UNC5C: variants seen among roughly 807,000 people sequenced by gnomAD.
UNC5C encodes unc-5 netrin receptor C.
UNC5C carries 47 observed loss-of-function variants against 99.8 expected under a neutral mutation model. The ratio of observed to expected loss-of-function variants is 0.47; its 90% confidence interval spans 0.37 to 0.60. The LOEUF (loss-of-function observed/expected upper bound fraction) is 0.60. Among genes scored for constraint, UNC5C ranks in the 20% least tolerant of loss-of-function variants. The pLI is 0.00. For missense variants in UNC5C, 1,062 were observed against 1,165.9 expected (o/e 0.91, Z 1.30); for synonymous variants, 487 against 452.2 (o/e 1.08, Z -0.98).
At chr4:95,294,080 T>G (rs935254873) in intron 3 of UNC5C, among the ~76,000 whole-genome samples, 1 of 152,196 alleles carries the variant, frequency 6.6e-6, no homozygotes, top group East Asian at 1.9e-4. Flanking sequence ...CATAAATACT[T>G]GTTGATATTG....
chr4:95,284,889 G>T (rs561938483), intron 3 of UNC5C, among the ~76,000 whole-genome samples: 3 of 152,136 alleles, frequency 2.0e-5, no homozygotes, highest in African/African-American at 4.8e-5. Flanking sequence ...GAGCAACTTT[G>T]CCTGTCACTG....
intron 1 of UNC5C, among the ~76,000 whole-genome samples, chr4:95,434,125 T>A (rs1252967529): frequency 6.6e-6 from 1 of 152,118 alleles, no homozygotes; most frequent in Non-Finnish European, 1.5e-5. Context: ...GTTCCATGAT[T>A]GTAGGGACTA....
At chr4:95,381,085 A>C (rs147380154) in intron 1 of UNC5C, among the ~76,000 whole-genome samples, 14 of 152,354 alleles carry the variant, frequency 9.2e-5, no homozygotes, top group African/African-American at 3.1e-4. Context: ...ATTACTTTGT[A>C]TAACTACATT....
intron 1 of UNC5C, among the ~76,000 whole-genome samples, chr4:95,544,340 T>G (rs543449943): frequency 3.9e-5 from 6 of 152,232 alleles, no homozygotes; most frequent in African/African-American, 1.2e-4. Flanking sequence ...CTAAGTAAAA[T>G]GCTGTTGCAA....
intron 1 of UNC5C, among the ~76,000 whole-genome samples, chr4:95,528,385 C>T (rs1722550934): frequency 1.3e-5 from 2 of 152,144 alleles, no homozygotes; most frequent in Admixed American, 6.5e-5. Flanking sequence ...TTCATACGGC[C>T]TTCAAGGAAA....
chr4:95,369,891 C>G (rs112684235), intron 1 of UNC5C, among the ~76,000 whole-genome samples: 3 of 151,712 alleles, frequency 2.0e-5, no homozygotes, highest in East Asian at 1.9e-4. Flanking sequence ...TGTAGCCCCC[C>G]CTTTTTTTTT....
intron 1 of UNC5C, among the ~76,000 whole-genome samples, chr4:95,470,930 C>T (rs1357797756): frequency 6.6e-6 from 1 of 151,714 alleles, no homozygotes; most frequent in Non-Finnish European, 1.5e-5. Flanking sequence ...ATTAATGGTA[C>T]TGAAAAAGTT....
intron 1 of UNC5C, among the ~76,000 whole-genome samples, chr4:95,488,513 C>T (rs1335392371): frequency 2.6e-5 from 4 of 151,706 alleles, no homozygotes; most frequent in African/African-American, 7.3e-5. Context: ...CAGGCACACT[C>T]AACATGTTTT....
intron 1 of UNC5C, among the ~76,000 whole-genome samples, chr4:95,547,625 C>G (rs1002969176): frequency 9.9e-5 from 15 of 152,216 alleles, no homozygotes; most frequent in African/African-American, 3.6e-4. Flanking sequence ...TCGCCTGAGC[C>G]GGCTATCACC....
intron 1 of UNC5C, among the ~76,000 whole-genome samples, chr4:95,490,428 A>G (rs1056757334): frequency 2.6e-5 from 4 of 151,804 alleles, no homozygotes; most frequent in African/African-American, 7.2e-5. Flanking sequence ...AAAAACCCCT[A>G]TGTTAATTTA....
At chr4:95,421,173 T>A (rs1199979742) in intron 1 of UNC5C, among the ~76,000 whole-genome samples, 1 of 152,218 alleles carries the variant, frequency 6.6e-6, no homozygotes, top group East Asian at 1.9e-4. Flanking sequence ...AAATTTTACA[T>A]CAGAATCACT....
intron 2 of UNC5C, among the ~76,000 whole-genome samples, chr4:95,322,772 C>A (rs989210612): frequency 6.6e-6 from 1 of 151,580 alleles, no homozygotes; most frequent in Non-Finnish European, 1.5e-5. Context: ...AATGCCGTCC[C>A]TACCAAAAAT....
chr4:95,538,905 T>C (rs1393718619), intron 1 of UNC5C, among the ~76,000 whole-genome samples: 1 of 152,170 alleles, frequency 6.6e-6, no homozygotes, highest in Non-Finnish European at 1.5e-5. Flanking sequence ...TTTATCTTCA[T>C]CCATTTAAAT....
At chr4:95,449,991 C>T (rs568351528) in intron 1 of UNC5C, among the ~76,000 whole-genome samples, 75 of 152,194 alleles carry the variant, frequency 4.9e-4, no homozygotes, top group African/African-American at 1.7e-3. Flanking sequence ...TCAGCAGGGA[C>T]GAACAATCCC....
intron 4 of UNC5C, among the ~76,000 whole-genome samples, chr4:95,273,840 C>A (rs1257500081): frequency 1.3e-5 from 2 of 152,036 alleles, no homozygotes; most frequent in Non-Finnish European, 2.9e-5. Context: ...GGTTTGGAAC[C>A]TTGCCCTCAG....
intron 1 of UNC5C, among the ~76,000 whole-genome samples, chr4:95,382,317 A>T (rs1265063815): frequency 6.6e-6 from 1 of 151,932 alleles, no homozygotes; most frequent in Non-Finnish European, 1.5e-5. Flanking sequence ...TACAAAAAAT[A>T]AAAAAATTAG....
chr4:95,436,198 CA>C (rs1746782803), intron 1 of UNC5C, among the ~76,000 whole-genome samples: 1 of 150,168 alleles, frequency 6.7e-6, no homozygotes, highest in Admixed American at 6.6e-5. Context: ...AAAAAAAATC[CA>C]AAGAGAAAAT....
At chr4:95,271,472 G>A (rs900767747) in intron 4 of UNC5C, among the ~76,000 whole-genome samples, 4 of 151,866 alleles carry the variant, frequency 2.6e-5, no homozygotes, top group South Asian at 2.1e-4. Context: ...CTCGTGATCC[G>A]CCCGCCTCGG....
chr4:95,514,592 T>A (rs1722164477), intron 1 of UNC5C, among the ~76,000 whole-genome samples: 1 of 150,516 alleles, frequency 6.6e-6, no homozygotes, highest in Non-Finnish European at 1.5e-5. Context: ...ATCTCTTACA[T>A]TAGCCTGTGT....
Sources: allele counts gnomAD v4.1 joint callset (sites outside exome capture counted in the v4.1 genomes callset), GRCh38; gene constraint gnomAD v4.1.1; transcripts MANE v1.5; gene names NCBI Gene and HGNC (gene_info 2026-07-23, HGNC 2026-07-21).